The following PDE10A variants were observed in gnomAD, a reference collection of about 807,000 sequenced individuals.
PDE10A encodes the protein phosphodiesterase 10A, also known as cAMP and cAMP-inhibited cGMP 3',5'-cyclic phosphodiesterase 10A.
PDE10A carries 39 observed loss-of-function variants against 97.7 expected under a neutral mutation model. The observed-to-expected ratio is 0.40, with a 90% CI of 0.31 to 0.52. The LOEUF (loss-of-function observed/expected upper bound fraction) is 0.52. Among genes scored for constraint, PDE10A ranks in the 20% least tolerant of loss-of-function variants. The pLI, the probability that PDE10A is intolerant of heterozygous loss-of-function variation, is 0.56. For synonymous variants in PDE10A, 371 were observed against 376.8 expected, an observed-to-expected ratio of 0.98 and a Z score of 0.18; for missense variants, 731 against 1,047.8, an observed-to-expected ratio of 0.70 and a Z score of 4.17.
At chr6:165,643,615 G>A (rs1789250404) in intron 1 of PDE10A, among the ~76,000 whole-genome samples, 1 of 152,146 alleles carries the variant, frequency 6.6e-6, no homozygotes, top group South Asian at 2.1e-4. Context: ...AATACTGAAT[G>A]ACCTCGCTTA....
chr6:165,731,722 A>G (rs938228827), intron 1 of PDE10A, among the ~76,000 whole-genome samples: 31 of 152,204 alleles, frequency 2.0e-4, no homozygotes, highest in Non-Finnish European at 2.5e-4. Flanking sequence ...GTATTAAAAC[A>G]CTTGGACTGA....
intron 1 of PDE10A, among the ~76,000 whole-genome samples, chr6:165,683,110 A>C (rs1396259303): frequency 6.6e-6 from 1 of 152,234 alleles, no homozygotes; most frequent in Non-Finnish European, 1.5e-5. Flanking sequence ...TATTTGTTGA[A>C]TGAATGAACA....
At chr6:165,981,408 T>G (rs1785010745) in intron 1 of PDE10A, among the ~76,000 whole-genome samples, 1 of 152,180 alleles carries the variant, frequency 6.6e-6, no homozygotes, top group Non-Finnish European at 1.5e-5. Context: ...ATAATCAAAG[T>G]CACAGAAATT....
At chr6:165,566,642 T>C (rs867061369) in intron 1 of PDE10A, among the ~76,000 whole-genome samples, 4 of 152,034 alleles carry the variant, frequency 2.6e-5, no homozygotes, top group African/African-American at 4.8e-5. Flanking sequence ...AAGGTGTAGA[T>C]AGAGCAAAGC....
intron 1 of PDE10A, among the ~76,000 whole-genome samples, chr6:165,932,768 G>A (rs1484020093): frequency 2.6e-5 from 4 of 152,192 alleles, no homozygotes; most frequent in South Asian, 2.1e-4. Context: ...CACCACACCC[G>A]GCCTGAGCTG....
At chr6:165,841,163 G>T (rs1780246559) in intron 1 of PDE10A, among the ~76,000 whole-genome samples, 1 of 152,208 alleles carries the variant, frequency 6.6e-6, no homozygotes, top group African/African-American at 2.4e-5. Flanking sequence ...TACTTTTGGA[G>T]TGTCATCATT....
chr6:165,877,156 C>T lies in PDE10A; in HGVS notation c.-615+110373G>A, dbSNP rs543929627. Among the ~76,000 whole-genome samples the T allele has an allele frequency of 1.3e-4, 20 of 152,294 alleles. No homozygotes were observed. The South Asian group carries it at 3.5e-3, about 27-fold the overall frequency. The stretch of plus-strand genomic sequence containing the variant: ...TAGAATGAATAATTGTTTTGGCACA[C>T]GTGTGGGTCTCAAAACTTACACCTC... On this transcript the variant is annotated intron_variant, in intron 1 of 19. Coordinates refer to the PDE10A transcript ENST00000366882.
At chr6:165,376,030 C>T (rs1784584945) in intron 18 of PDE10A, among the ~76,000 whole-genome samples, 1 of 152,218 alleles carries the variant, frequency 6.6e-6, no homozygotes, top group Admixed American at 6.5e-5. Context: ...CAAGCCTGTT[C>T]ACACAACATC....
intron 20 of PDE10A, among the ~76,000 whole-genome samples, chr6:165,337,318 A>G (rs1250539669): frequency 6.6e-6 from 1 of 152,196 alleles, no homozygotes; most frequent in Admixed American, 6.5e-5. Context: ...ATAGCTCTCT[A>G]GAAGAGGTGA....
intron 1 of PDE10A, among the ~76,000 whole-genome samples, chr6:165,963,415 A>G (rs77374101): frequency 0.012 from 1,813 of 152,302 alleles, 35 homozygotes; most frequent in African/African-American, 0.041. Context: ...ATGAGCTGAT[A>G]TTTTAAAAAG....
rs578082793 is a variant in PDE10A, at chr6:165,545,382, T to G, written c.866-1814A>C. ...TTCTTCCCAAAGAGATTTTAACTCTTGGTTTTCCTTTTTGTGTTACTATTA... is the reference window on the plus strand; with the variant it reads ...TTCTTCCCAAAGAGATTTTAACTCTGGGTTTTCCTTTTTGTGTTACTATTA... On this transcript the variant is annotated intron_variant, in intron 1 of 21. Coordinates refer to ENST00000539869, the MANE Select transcript of PDE10A (RefSeq NM_001385079.1). 3.3e-5 allele frequency among the ~76,000 whole-genome samples: 5 copies of G among 152,248 alleles called. No individual in the cohort carries two copies. In the South Asian group the frequency reaches 1.0e-3, roughly 31 times the overall value.
At chr6:165,402,155 T>C (rs554304567) in intron 13 of PDE10A, among the ~76,000 whole-genome samples, 24 of 152,314 alleles carry the variant, frequency 1.6e-4, no homozygotes, top group African/African-American at 4.3e-4. Flanking sequence ...TTCTACAAGA[T>C]AGTTATTCCT....
chr6:165,763,613 G>A (rs766278746), intron 1 of PDE10A, among the ~76,000 whole-genome samples: 39 of 152,204 alleles, frequency 2.6e-4, no homozygotes, highest in Non-Finnish European at 4.3e-4. Flanking sequence ...GCGAGCCACT[G>A]TGCCCAGCCT....
chr6:165,841,083 G>A (rs1353635321), intron 1 of PDE10A, among the ~76,000 whole-genome samples: 1 of 152,224 alleles, frequency 6.6e-6, no homozygotes, highest in South Asian at 2.1e-4. Context: ...TCCATAATAG[G>A]TGTCAGTCAA....
intron 1 of PDE10A, among the ~76,000 whole-genome samples, chr6:165,672,019 T>C (rs1246115338): frequency 6.6e-6 from 1 of 152,196 alleles, no homozygotes; most frequent in Non-Finnish European, 1.5e-5. Context: ...TTATCTTACG[T>C]TTTTGAAATC....
chr6:165,561,747 AT>A (rs1442277153), intron 1 of PDE10A, among the ~76,000 whole-genome samples: 2 of 152,192 alleles, frequency 1.3e-5, no homozygotes, highest in Admixed American at 6.5e-5. Context: ...GTTTTCTCCC[AT>A]TGGTGCCAGA....
At chr6:165,958,396 C>T (rs1014451218) in intron 1 of PDE10A, among the ~76,000 whole-genome samples, 3 of 151,454 alleles carry the variant, frequency 2.0e-5, no homozygotes, top group Non-Finnish European at 4.4e-5. Context: ...ACCCAGGAGG[C>T]GGAGGTTGCA....
intron 1 of PDE10A, among the ~76,000 whole-genome samples, chr6:165,946,543 G>T (rs116981594): frequency 2.7e-5 from 4 of 150,154 alleles, no homozygotes; most frequent in Non-Finnish European, 5.9e-5. Context: ...AGAATATATT[G>T]CCTTCTTAAA....
Position 165,620,111 on chromosome 6 carries a change from A to G in PDE10A, c.865+41836T>C, listed in dbSNP as rs138248518. ...TGCTTCACTCTTCTCCATTAATTGT[A>G]TTATTTCCCTGTCAATTCCTGTCCT... On this transcript the variant is annotated intron_variant, in intron 1 of 21. Coordinates refer to ENST00000539869, the MANE Select transcript of PDE10A (RefSeq NM_001385079.1). 5.9e-5 allele frequency among the ~76,000 whole-genome samples: 9 copies of G among 152,218 alleles called. No homozygotes were observed. The East Asian group carries it at 1.7e-3, about 29-fold the overall frequency.
Sources: allele counts gnomAD v4.1 joint callset (sites outside exome capture counted in the v4.1 genomes callset), GRCh38; gene constraint gnomAD v4.1.1; transcripts MANE v1.5; gene names NCBI Gene and HGNC (gene_info 2026-07-23, HGNC 2026-07-21).